Variants in ADRM1 observed in about 807,000 individuals in gnomAD.
The protein encoded by ADRM1 is proteasomal ubiquitin receptor ADRM1.
Under a neutral mutation model 40.1 loss-of-function variants are expected in ADRM1, and 2 were observed. That is an observed-to-expected ratio of 0.05 (90% CI 0.02 to 0.16). The LOEUF is 0.16. Among genes scored for constraint, ADRM1 ranks in the 10% least tolerant of loss-of-function variants. The pLI, the probability that ADRM1 is intolerant of heterozygous loss-of-function variation, is 1.00. For missense variants in ADRM1, 467 were observed against 552.5 expected (o/e 0.85, Z 1.55); for synonymous variants, 287 against 240.4 (o/e 1.19, Z -1.79).
At position 62,304,449 on chromosome 20, in the gene ADRM1, C is replaced by T. The variant is rs745319915; in HGVS notation, c.214-12C>T. 6 of 1,610,872 alleles carry T rather than the reference C, an allele frequency of 3.7e-6. No individual in the cohort carries two copies. The highest frequency in any genetic ancestry group is 1.7e-5 in the Admixed American group (1 of 59,940). On this transcript the variant is annotated splice_polypyrimidine_tract_variant and intron_variant, in intron 2 of 9. Coordinates refer to ENST00000253003, the MANE Select transcript of ADRM1 (RefSeq NM_007002.4). The stretch of plus-strand genomic sequence containing the variant: ...TCTGCGCCACTGACTCTCTCTTCCC[C>T]TGGCTTGCCAGGACTTGATCATCTT...
At chr20:62,305,846 G>T in intron 3 of ADRM1, 1 of 261,908 alleles carries the variant, frequency 3.8e-6, no homozygotes, top group South Asian at 5.1e-5. Flanking sequence ...GGAAGGAGAC[G>T]GGTGTGTAAA....
Position 62,306,679 on chromosome 20 carries a change from C to T in ADRM1, c.486C>T (p.Asn162=). ...GTGGCCTGCAGAGCCTGCTGGGAAACATGAGCCACAGCCAGCTCATGCAGC... is the reference window on the plus strand; with the variant it reads ...GTGGCCTGCAGAGCCTGCTGGGAAATATGAGCCACAGCCAGCTCATGCAGC... ...GEGGLQSLLG[N]MSHSQLMQLI... Residue 162 remains asparagine, a synonymous_variant, in exon 5 of 10, where the codon AAC becomes AAT. Transcript: ENST00000253003. 1.2e-6 allele frequency: 2 copies of T among 1,610,438 alleles called. No individual in the cohort carries two copies. The highest frequency in any genetic ancestry group is 1.7e-6 in the Non-Finnish European group (2 of 1,178,846).
At chr20:62,305,832 TGAAG>T (rs1397007773) in intron 3 of ADRM1, 3 of 247,390 alleles carry the variant, frequency 1.2e-5, no homozygotes, top group East Asian at 9.1e-5. Flanking sequence ...TTCCACTGGT[TGAAG>T]GAAGGAGACG....
At chr20:62,306,135 G>T in intron 3 of ADRM1, 62 bp from the exon 4 acceptor site, 1 of 1,571,370 alleles carries the variant, frequency 6.4e-7, no homozygotes, top group East Asian at 2.3e-5. Context: ...TCAGAGGATG[G>T]CTGTGGTGGC....
At chr20:62,304,705 A>C (rs1020915272) in intron 3 of ADRM1, 128 bp downstream of exon 3, 11 of 884,188 alleles carry the variant, frequency 1.2e-5, no homozygotes, top group Non-Finnish European at 1.8e-5. Flanking sequence ...ACACGGCCTG[A>C]GATGCCACCT....
intron 4 of ADRM1, 164 bp downstream of exon 4, chr20:62,306,484 C>G (rs561338907): frequency 5.4e-6 from 7 of 1,299,768 alleles, no homozygotes; most frequent in Non-Finnish European, 7.6e-6. Context: ...CCCACCTTCA[C>G]GGGGTAGGAC....
At position 62,306,658 on chromosome 20, in the gene ADRM1, C is replaced by G; in HGVS notation, c.465C>G (p.Gly155=). Reference sequence around the variant, plus strand: ...TGCAGTGTTTTCCAGGTGAGGGTGGCCTGCAGAGCCTGCTGGGAAACATGA... The same window carrying G: ...TGCAGTGTTTTCCAGGTGAGGGTGGGCTGCAGAGCCTGCTGGGAAACATGA... ...HELSALGGEG[G]LQSLLGNMSH... is the part of the protein sequence containing the mutation. The change falls in exon 5 of 10, where the codon GGC becomes GGG. Residue 155 remains glycine (G), a synonymous_variant. Transcript: ENST00000253003. 4.4e-6 allele frequency: 7 copies of G among 1,608,064 alleles called. No individual in the cohort carries two copies. The highest frequency in any genetic ancestry group is 5.9e-6 in the Non-Finnish European group (7 of 1,177,822).
rs989027684 is a variant in ADRM1, at chr20:62,303,615, G to A, written c.47G>A (p.Arg16Gln). 6 of 1,605,536 alleles carry A rather than the reference G, an allele frequency of 3.7e-6. No homozygotes were observed. Among genetic ancestry groups the A allele is most frequent in the African/African-American group, 1.3e-5 (1 of 74,480 alleles). The stretch of plus-strand genomic sequence containing the variant: ...TTTCCAAGCCTGGTGCCAGGCTCTC[G>A]GGGCGCCTCCAACAAGTACTTGGTG... Reference protein sequence around the residue: ...ALFPSLVPGSRGASNKYLVEF... With the variant: ...ALFPSLVPGSQGASNKYLVEF... Residue 16 changes from arginine to glutamine, a missense_variant, in exon 2 of 10, where the codon CGG becomes CAG. Physicochemically the swap from Arg to Gln is conservative, Grantham distance 43. Coordinates refer to ENST00000253003, the MANE Select transcript of ADRM1 (RefSeq NM_007002.4).
rs1568877066 is a variant in ADRM1 at position 62,308,107 on chromosome 20, C to CCAT, written c.945_947dup (p.Ser316dup). ...CCAGGAGCGCCTGCTTCCCTACTTG[C>CCAT]CATCTGGGGAGTCGCTGCCGCAGAC... On this transcript the variant is annotated inframe_insertion, in exon 8 of 10. Coordinates refer to ENST00000253003, the MANE Select transcript of ADRM1 (RefSeq NM_007002.4). 8.7e-6 allele frequency: 14 copies of CCAT among 1,611,364 alleles called. No individual in the cohort carries two copies. Among genetic ancestry groups the CCAT allele is most frequent in the Non-Finnish European group, 1.2e-5 (14 of 1,179,856 alleles).
Position 62,308,145 on chromosome 20 carries a change from C to G in ADRM1, c.981C>G (p.Ile327Met), listed in dbSNP as rs77432560. Reference protein sequence around the residue: ...GESLPQTADEIQNTLTSPQFQ... With the variant: ...GESLPQTADEMQNTLTSPQFQ... ...CGCTGCCGCAGACCGCGGATGAGAT[C>G]CAGAATACCCTGACCTCGCCCCAGT... The change falls in exon 8 of 10, where the codon ATC (isoleucine) becomes ATG (methionine). Residue 327 changes from isoleucine (I) to methionine (M), a missense_variant. This residue lies in a region of ADRM1 where 418 missense variants were observed against 474.6 expected (regional missense o/e 0.88). Transcript: ENST00000253003. 3 of 1,608,012 alleles carry G rather than the reference C, an allele frequency of 1.9e-6. No individual in the cohort carries two copies. Among genetic ancestry groups the G allele is most frequent in the South Asian group, 1.1e-5 (1 of 90,990 alleles).
intron 3 of ADRM1, 200 bp from the exon 4 acceptor site, chr20:62,305,997 C>T (rs1055495354): frequency 1.1e-5 from 7 of 624,370 alleles, no homozygotes; most frequent in African/African-American, 1.8e-5. Flanking sequence ...GGGGACAGGG[C>T]GCAGAGCATC....
Position 62,307,376 on chromosome 20 carries a change from C to T in ADRM1, c.547C>T (p.Leu183=), listed in dbSNP as rs1418196844. Residue 183 remains leucine (L), a synonymous_variant, in exon 6 of 10, where the codon CTG becomes TTG. Coordinates refer to ENST00000253003, the MANE Select transcript of ADRM1 (RefSeq NM_007002.4). ...GPAGLGGLGG[L]GALTGPGLAS... ...CATTTCCTTGCCCCTCGCAGGTGGGCTGGGGGCCCTGACTGGACCTGGCCT... is the reference window on the plus strand; with the variant it reads ...CATTTCCTTGCCCCTCGCAGGTGGGTTGGGGGCCCTGACTGGACCTGGCCT... 2 of 1,599,432 alleles carry T rather than the reference C, an allele frequency of 1.3e-6. No homozygotes were observed. Among genetic ancestry groups the T allele is most frequent in the East Asian group, 2.2e-5 (1 of 44,798 alleles).
chr20:62,303,512 G>GC (rs1393917171), intron 1 of ADRM1, 56 bp from the exon 2 acceptor site: 5 of 1,519,784 alleles, frequency 3.3e-6, no homozygotes, highest in Admixed American at 4.0e-5. Context: ...GCGGGAGCTT[G>GC]CCGGACCGCA....
rs531545280 is a variant in ADRM1 at position 62,303,384 on chromosome 20, C to T, written c.-1-184C>T. Reference sequence around the variant, plus strand: ...TGGCGGGGCTGCCCCGGCCCAGCGCCGAGTGCGGGCGGTGCGATCGTCGTG... The same window carrying T: ...TGGCGGGGCTGCCCCGGCCCAGCGCTGAGTGCGGGCGGTGCGATCGTCGTG... On this transcript the variant is annotated intron_variant, in intron 1 of 9. Transcript: ENST00000253003. 5.5e-5 allele frequency: 33 copies of T among 596,790 alleles called. 1 individual carries two copies. The highest frequency in any genetic ancestry group is 5.5e-4 in the Admixed American group (17 of 30,756). 37.0% of individuals were successfully genotyped at this position (596,790 alleles called of 1,614,324 possible).
At chr20:62,307,960 A>G (rs1985380447) in intron 7 of ADRM1, 61 bp from the exon 8 acceptor site, 6 of 1,573,458 alleles carry the variant, frequency 3.8e-6, no homozygotes, top group Middle Eastern at 1.7e-4. Context: ...CCCTGCTTGC[A>G]TGCCTTCCAT....
intron 3 of ADRM1, chr20:62,305,908 T>A: frequency 2.6e-6 from 1 of 387,194 alleles, no homozygotes; most frequent in Non-Finnish European, 4.9e-6. Flanking sequence ...TGGCAGCAGC[T>A]AAGTGCCTTC....
At chr20:62,304,394 G>A (rs1173364024) in intron 2 of ADRM1, 67 bp from the exon 3 acceptor site, 23 of 1,383,038 alleles carry the variant, frequency 1.7e-5, no homozygotes, top group Non-Finnish European at 2.1e-5. Context: ...GGCTCAGTAC[G>A]CTCTCCTGAG....
intron 2 of ADRM1, chr20:62,304,211 G>A: frequency 1.9e-6 from 1 of 533,164 alleles, no homozygotes; most frequent in Non-Finnish European, 3.4e-6. Flanking sequence ...GTTGTTTCCA[G>A]CACGTCTCAG....
chr20:62,303,759 G>A lies in ADRM1; in HGVS notation c.191G>A (p.Arg64Lys), dbSNP rs765886959. The A allele has an allele frequency of 9.9e-6, 16 of 1,611,470 alleles. No homozygotes were observed. Among genetic ancestry groups the A allele is most frequent in the Non-Finnish European group, 1.3e-5 (15 of 1,179,894 alleles). The change falls in exon 2 of 10, where the codon AGG becomes AAG. Residue 64 changes from arginine (R) to lysine (K), a missense_variant. By Grantham distance (26) the Arg-to-Lys change is conservative. Around this residue, in one of 3 missense-constraint regions of ADRM1, gnomAD observed 418 missense variants for 474.6 expected, o/e 0.88. Transcript: ENST00000253003. ...CTTATTCACTTCTGCTGGAAGGACAGGACGTCCGGGAACGTGGAAGACGTG... is the reference window on the plus strand; with the variant it reads ...CTTATTCACTTCTGCTGGAAGGACAAGACGTCCGGGAACGTGGAAGACGTG... ...DSLIHFCWKD[R>K]TSGNVEDDLI... is the part of the protein sequence containing the mutation.
Sources: gnomAD v4.1 joint callset for allele counts on GRCh38, gnomAD v4.1.1 for gene constraint, gnomAD v4.1.1 regional missense constraint, MANE v1.5 for transcripts, NCBI Gene and HGNC (gene_info 2026-07-23, HGNC 2026-07-21) for gene names.